Variants in DPYSL2 observed in about 807,000 individuals in gnomAD.
DPYSL2 encodes the protein dihydropyrimidinase like 2, also known as dihydropyrimidinase-related protein 2.
DPYSL2 carries 13 observed loss-of-function variants against 69.9 expected under a neutral mutation model. The ratio of observed to expected loss-of-function variants is 0.19; its 90% CI spans 0.12 to 0.30. The LOEUF is 0.30. Among genes scored for constraint, DPYSL2 ranks in the 10% least tolerant of loss-of-function variants. The pLI, the probability that DPYSL2 is intolerant of heterozygous loss-of-function variation, is 1.00. For synonymous variants in DPYSL2, 326 were observed against 359.1 expected (o/e 0.91, Z 1.04); for missense variants, 587 against 918.9 (o/e 0.64, Z 4.67).
rs1802578029 is a variant in DPYSL2, at chr8:26,624,715, C to A, written c.793+408C>A. Among the ~76,000 whole-genome samples the A allele has an allele frequency of 6.6e-6, 1 of 152,142 alleles. No individual in the cohort carries two copies. Among genetic ancestry groups the A allele is most frequent in the Non-Finnish European group, 1.5e-5 (1 of 68,012 alleles). On this transcript the variant is annotated intron_variant, in intron 4 of 13. Transcript: ENST00000521913. The surrounding 1 kb of genome is among the most constrained non-coding windows in gnomAD (Gnocchi z 4.7). Reference sequence around the variant, plus strand: ...TCAGGAGAGTGTTGGGCAGCCCCTTCCTACAAACCTGGATGGATCTAGGAT... The same window carrying A: ...TCAGGAGAGTGTTGGGCAGCCCCTTACTACAAACCTGGATGGATCTAGGAT...
intron 1 of DPYSL2, among the ~76,000 whole-genome samples, chr8:26,556,645 G>C (rs1377207123): frequency 2.0e-5 from 3 of 151,488 alleles, no homozygotes; most frequent in Non-Finnish European, 4.4e-5. Context: ...GATTTTTTGT[G>C]TTCATAGATA....
chr8:26,655,188 G>T lies in DPYSL2; in HGVS notation c.1943-427G>T, dbSNP rs559025391. Reference sequence around the variant, plus strand: ...CTTCTGTAGTCTAAACTTCAGTGAGGTTTTAAGAGAAGAACAAAGAATGTG... The same window carrying T: ...CTTCTGTAGTCTAAACTTCAGTGAGTTTTTAAGAGAAGAACAAAGAATGTG... On this transcript the variant is annotated intron_variant, in intron 13 of 13. Coordinates refer to ENST00000521913, the MANE Select transcript of DPYSL2 (RefSeq NM_001197293.3). Among the ~76,000 whole-genome samples, 362 of 152,124 alleles carry T rather than the reference G, an allele frequency of 2.4e-3. 6 individuals are homozygous for T. In the South Asian group the frequency reaches 0.027, roughly 11 times the overall value.
chr8:26,560,377 C>T lies in DPYSL2; in HGVS notation c.355-21592C>T, dbSNP rs1375276436. 6.6e-6 allele frequency among the ~76,000 whole-genome samples: 1 copy of T among 152,150 alleles called. No individual in the cohort carries two copies. Among genetic ancestry groups the T allele is most frequent in the Non-Finnish European group, 1.5e-5 (1 of 68,030 alleles). ...TCACTTTATTCTCTATTTAAGATAA[C>T]ATTTAGCTTTTATTACAATGATTGC... On this transcript the variant is annotated intron_variant, in intron 1 of 13. Transcript: ENST00000521913. The surrounding 1 kb of genome is among the most constrained non-coding windows in gnomAD (Gnocchi z 4.4).
chr8:26,625,717 G>A (rs73678823), intron 4 of DPYSL2, among the ~76,000 whole-genome samples: 1 of 152,150 alleles, frequency 6.6e-6, no homozygotes, highest in Non-Finnish European at 1.5e-5. Context: ...CCAAAGAAAA[G>A]ACATTTATCA....
chr8:26,523,710 G>T (rs140359440), intron 1 of DPYSL2, among the ~76,000 whole-genome samples: 1 of 151,908 alleles, frequency 6.6e-6, no homozygotes, highest in Non-Finnish European at 1.5e-5. Flanking sequence ...ACCCAGGCAG[G>T]AGTGTAGTGG....
chr8:26,596,506 G>GTACCTACCAC (rs1801864792), intron 3 of DPYSL2, among the ~76,000 whole-genome samples: 3 of 152,216 alleles, frequency 2.0e-5, no homozygotes, highest in Non-Finnish European at 4.4e-5. Flanking sequence ...GACCTGCCGG[G>GTACCTACCAC]AGTCATGGGT....
chr8:26,566,728 G>T (rs1025170823), intron 1 of DPYSL2, among the ~76,000 whole-genome samples: 1 of 152,154 alleles, frequency 6.6e-6, no homozygotes, highest in Non-Finnish European at 1.5e-5. Flanking sequence ...TCATGCTTTG[G>T]AAGGTTATTT....
intron 1 of DPYSL2, among the ~76,000 whole-genome samples, chr8:26,568,410 C>T (rs1485552698): frequency 6.6e-6 from 1 of 152,204 alleles, no homozygotes; most frequent in Non-Finnish European, 1.5e-5. Context: ...CCCCCTTGGT[C>T]TCCTGAGAGC....
rs56080102 is a variant in DPYSL2 at position 26,537,611 on chromosome 8, T to TACACACACACACACACACACACACAC, written c.354+22955_354+22956insCACACACACACACACACACACACACA. Among the ~76,000 whole-genome samples the TACACACACACACACACACACACACAC allele has an allele frequency of 5.3e-3, 785 of 147,640 alleles. 2 individuals are homozygous for TACACACACACACACACACACACACAC. The highest frequency in any genetic ancestry group is 9.6e-3 in the African/African-American group (387 of 40,230). ...ATTGACCTTACTATCATTCTCTCTC[T>TACACACACACACACACACACACACAC]ACACACACACACACACACACACAAC... On this transcript the variant is annotated intron_variant, in intron 1 of 13. Coordinates refer to ENST00000521913, the MANE Select transcript of DPYSL2 (RefSeq NM_001197293.3).
Position 26,647,895 on chromosome 8 carries a change from G to T in DPYSL2, c.1596+95G>T, listed in dbSNP as rs1420163912. On this transcript the variant is annotated intron_variant, in intron 11 of 13. Transcript: ENST00000521913. The surrounding 1 kb of genome is among the most constrained non-coding windows in gnomAD (Gnocchi z 5.1). ...GCCCCAGGGTTTCTAAAAAGAACTT[G>T]CTGTGATGGGAATGCGCTCGACTGA... 4 of 1,424,194 alleles carry T rather than the reference G, an allele frequency of 2.8e-6. No homozygotes were observed. In the East Asian group the frequency reaches 9.8e-5, roughly 35 times the overall value. The allele number at this position is 1,424,194 out of a possible 1,614,324, so 88.2% of individuals were successfully genotyped here. A position where few individuals can be genotyped will look rare whatever the true frequency, so the allele number is the denominator to read the frequency against.
At position 26,618,341 on chromosome 8, in the gene DPYSL2, C is replaced by CT. The variant is rs775519372; in HGVS notation, c.629-5799dup. On this transcript the variant is annotated intron_variant, in intron 3 of 13. Coordinates refer to ENST00000521913, the MANE Select transcript of DPYSL2 (RefSeq NM_001197293.3). ...TTTTTTTTTTTTCTTAATAGACAGT[C>CT]TTTATCTGTTGCCCAAGCTGAAGTG... Among the ~76,000 whole-genome samples the CT allele has an allele frequency of 2.0e-5, 3 of 146,572 alleles. No individual in the cohort carries two copies. The South Asian group carries it at 6.4e-4, about 31-fold the overall frequency.
rs972039115 is a variant in DPYSL2 at position 26,598,783 on chromosome 8, A to G, written c.628+14800A>G. ...GCTCCAGGTGAAGAGCAGGTTTGAG[A>G]CTTACACCTTGTTTATTGCAATCTT... On this transcript the variant is annotated intron_variant, in intron 3 of 13. Coordinates refer to ENST00000521913, the MANE Select transcript of DPYSL2 (RefSeq NM_001197293.3). The surrounding 1 kb of genome is among the most constrained non-coding windows in gnomAD (Gnocchi z 4.2). Among the ~76,000 whole-genome samples the G allele has an allele frequency of 3.2e-4, 48 of 151,038 alleles. No homozygotes were observed. Among genetic ancestry groups the G allele is most frequent in the African/African-American group, 1.1e-3 (47 of 40,964 alleles).
At chr8:26,607,117 G>A (rs1427031475) in intron 3 of DPYSL2, among the ~76,000 whole-genome samples, 3 of 152,190 alleles carry the variant, frequency 2.0e-5, no homozygotes, top group Non-Finnish European at 4.4e-5. Flanking sequence ...CAGGAAATGA[G>A]CTGAATGATG....
chr8:26,602,891 G>A (rs1802023073), intron 3 of DPYSL2, among the ~76,000 whole-genome samples: 1 of 152,236 alleles, frequency 6.6e-6, no homozygotes, highest in African/African-American at 2.4e-5. Context: ...AGCCAAGAGA[G>A]GCTTCAGCCA....
rs1267649590 is a variant in DPYSL2 at position 26,593,822 on chromosome 8, C to G, written c.628+9839C>G. Among the ~76,000 whole-genome samples, 1 of 152,142 alleles carries G rather than the reference C, an allele frequency of 6.6e-6. No individual in the cohort carries two copies. The highest frequency in any genetic ancestry group is 6.5e-5 in the Admixed American group (1 of 15,286). On this transcript the variant is annotated intron_variant, in intron 3 of 13. Coordinates refer to ENST00000521913, the MANE Select transcript of DPYSL2 (RefSeq NM_001197293.3). This position sits in a 1 kb window ranked among gnomAD's most constrained non-coding sequence, Gnocchi z 5.7. The stretch of plus-strand genomic sequence containing the variant: ...CTGTGCTGGTTTCCCTGAGAAAACC[C>G]TACTGTCTTTAGGTTGAATCTGTAG...
In DPYSL2 at chr8:26,609,388, G is replaced by A. The variant is rs1156901179; in HGVS notation, c.629-14755G>A. 6.6e-6 allele frequency among the ~76,000 whole-genome samples: 1 copy of A among 152,178 alleles called. No homozygotes were observed. Among genetic ancestry groups the A allele is most frequent in the African/African-American group, 2.4e-5 (1 of 41,428 alleles). ...TGTGTATGTAAGTAGATGTTCTTCT[G>A]TGGGGGCTGCAAGTCCTTAAGTTAT... On this transcript the variant is annotated intron_variant, in intron 3 of 13. Coordinates refer to ENST00000521913, the MANE Select transcript of DPYSL2 (RefSeq NM_001197293.3). The surrounding 1 kb of genome is among the most constrained non-coding windows in gnomAD (Gnocchi z 6.5).
intron 1 of DPYSL2, among the ~76,000 whole-genome samples, chr8:26,552,604 C>T (rs961278885): frequency 1.3e-5 from 2 of 152,148 alleles, no homozygotes; most frequent in Non-Finnish European, 2.9e-5. Context: ...ATTTCTGGTG[C>T]GGGCCTTCTG....
intron 7 of DPYSL2, among the ~76,000 whole-genome samples, chr8:26,633,260 C>T (rs1278791696): frequency 1.3e-5 from 2 of 152,208 alleles, no homozygotes; most frequent in African/African-American, 4.8e-5. Context: ...CAGTCCCTCC[C>T]CTCCAAGAGT....
rs1440622416 is a variant in DPYSL2 at position 26,605,386 on chromosome 8, A to G, written c.629-18757A>G. 6.6e-6 allele frequency among the ~76,000 whole-genome samples: 1 copy of G among 152,070 alleles called. No individual in the cohort carries two copies. The highest frequency in any genetic ancestry group is 6.6e-5 in the Admixed American group (1 of 15,258). The stretch of plus-strand genomic sequence containing the variant: ...CTGCAACCTCCAGCTCCCGGGTTCA[A>G]GTGATTCTCTTGCCTCAGCCTCTCA... On this transcript the variant is annotated intron_variant, in intron 3 of 13. Coordinates refer to ENST00000521913, the MANE Select transcript of DPYSL2 (RefSeq NM_001197293.3). The surrounding 1 kb of genome is among the most constrained non-coding windows in gnomAD (Gnocchi z 4.1).
Sources: gnomAD v4.1 joint callset for allele counts (sites outside exome capture counted in the v4.1 genomes callset) on GRCh38, gnomAD v4.1.1 for gene constraint, Gnocchi (gnomAD v3.1) non-coding constraint, MANE v1.5 for transcripts, NCBI Gene and HGNC (gene_info 2026-07-23, HGNC 2026-07-21) for gene names.